Variants in ANKS6 observed in about 807,000 individuals in gnomAD.
ANKS6 encodes the protein ankyrin repeat and SAM domain-containing protein 6.
Under a neutral mutation model 77.9 loss-of-function variants are expected in ANKS6, and 47 were observed. The ratio of observed to expected loss-of-function variants is 0.60; its 90% CI spans 0.48 to 0.77. The LOEUF is 0.77. Ranked by LOEUF, ANKS6 falls within the 30% of genes least tolerant of loss-of-function variation. ANKS6 has a pLI of 0.00. For missense variants in ANKS6, 1,150 were observed against 1,159.1 expected, an observed-to-expected ratio of 0.99 and a Z score of 0.11; for synonymous variants, 488 against 501.7, an observed-to-expected ratio of 0.97 and a Z score of 0.37.
chr9:98,769,940 G>T (rs1186762413), intron 10 of ANKS6, among the ~76,000 whole-genome samples: 3 of 152,190 alleles, frequency 2.0e-5, no homozygotes, highest in Admixed American at 6.5e-5. Flanking sequence ...AAATGGTAAT[G>T]ATGATCTGTA....
At chr9:98,754,583 A>C (rs890610085) in intron 12 of ANKS6, among the ~76,000 whole-genome samples, 2 of 151,794 alleles carry the variant, frequency 1.3e-5, no homozygotes, top group African/African-American at 4.8e-5. Flanking sequence ...AGGAGCTTGC[A>C]GTGAGCCGAG....
chr9:98,733,342 A>G lies in ANKS6; in HGVS notation c.*3177T>C. On this transcript the variant is annotated 3_prime_UTR_variant, in exon 15 of 15. Transcript: ENST00000353234. ...AGCACTCACGACACACCAGCAAGAC[A>G]CTGCCTGGGTGCTGGGAAACAATGC... 3.0e-6 allele frequency: 3 copies of G among 985,482 alleles called. No homozygotes were observed. Among genetic ancestry groups the G allele is most frequent in the Non-Finnish European group, 3.6e-6 (3 of 829,964 alleles). 61.0% of individuals were successfully genotyped at this position (985,482 alleles called of 1,614,324 possible). A position where few individuals can be genotyped will look rare whatever the true frequency, so the allele number is the denominator to read the frequency against.
In ANKS6 at chr9:98,778,237, G is replaced by C; in HGVS notation, c.1556C>G (p.Thr519Ser). Residue 519 changes from threonine (T) to serine (S), a missense_variant, in exon 7 of 15, where the codon ACC (threonine) becomes AGC (serine). Transcript: ENST00000353234. ...CAGACTTTTCTCACCATTGTCTTTG[G>C]TCACAGGGGCCGCATCAGGGAGTGC... ...RSALPDAAPVTKDNGPGSTRG... is the reference protein window; with the variant it reads ...RSALPDAAPVSKDNGPGSTRG... 2 of 1,614,116 alleles carry C rather than the reference G, an allele frequency of 1.2e-6. No homozygotes were observed. Among genetic ancestry groups the C allele is most frequent in the Non-Finnish European group, 8.5e-7 (1 of 1,180,012 alleles).
chr9:98,744,685 C>A (rs1832024199), intron 14 of ANKS6, among the ~76,000 whole-genome samples: 1 of 151,840 alleles, frequency 6.6e-6, no homozygotes, highest in South Asian at 2.1e-4. Context: ...TATCGTGGAA[C>A]ACAGCCCAAG....
intron 9 of ANKS6, 59 bp downstream of exon 9, chr9:98,773,818 A>G (rs1218755904): frequency 7.2e-7 from 1 of 1,388,506 alleles, no homozygotes; most frequent in East Asian, 2.7e-5. Flanking sequence ...TGCCTGGAAC[A>G]CACCATGATC....
intron 10 of ANKS6, 82 bp from the exon 11 acceptor site, chr9:98,768,332 T>C: frequency 9.7e-6 from 15 of 1,540,572 alleles, no homozygotes; most frequent in Middle Eastern, 1.7e-4. Context: ...CGTGTGATGA[T>C]TGGGTTGGAG....
chr9:98,736,457 G>A lies in ANKS6; in HGVS notation c.*62C>T, dbSNP rs1831506405. On this transcript the variant is annotated 3_prime_UTR_variant, in exon 15 of 15. Transcript: ENST00000353234. Reference sequence around the variant, plus strand: ...GTGTGACGGGGGCAGGGCTGGGGCTGTGGCCACGTGAAGGGGTCCCGGGAT... The same window carrying A: ...GTGTGACGGGGGCAGGGCTGGGGCTATGGCCACGTGAAGGGGTCCCGGGAT... 2 of 1,526,988 alleles carry A rather than the reference G, an allele frequency of 1.3e-6. No individual in the cohort carries two copies. 94.6% of individuals were successfully genotyped at this position (1,526,988 alleles called of 1,614,324 possible).
Position 98,782,561 on chromosome 9 carries a change from A to C in ANKS6, c.1125T>G (p.Ile375Met), listed in dbSNP as rs200355078. 1.9e-6 allele frequency: 3 copies of C among 1,613,902 alleles called. No individual in the cohort carries two copies. The highest frequency in any genetic ancestry group is 3.3e-5 in the Admixed American group (2 of 60,014). The change falls in exon 5 of 15, where the codon ATT (isoleucine) becomes ATG (methionine). Residue 375 changes from isoleucine to methionine, a missense_variant. Ile to Met is a conservative substitution (Grantham distance 10). Transcript: ENST00000353234. ...CCCCTTGGTTTAGCAGATATTTCAC[A>C]ATTTCCTTATTCCTGGGAAAAAATG... ...MQATYHGNKE[I>M]VKYLLNQGAD...
chr9:98,767,324 G>A (rs879686416), intron 11 of ANKS6, among the ~76,000 whole-genome samples: 1 of 152,088 alleles, frequency 6.6e-6, no homozygotes, highest in Admixed American at 6.5e-5. Flanking sequence ...CCTCACACCA[G>A]AACAGTTGCA....
intron 6 of ANKS6, among the ~76,000 whole-genome samples, chr9:98,779,315 C>G (rs974032485): frequency 6.6e-6 from 1 of 152,140 alleles, no homozygotes; most frequent in African/African-American, 2.4e-5. Flanking sequence ...CTGGTGTTTC[C>G]AGGAAGCTGG....
chr9:98,747,198 C>A (rs1473601961), intron 13 of ANKS6, among the ~76,000 whole-genome samples: 2 of 152,202 alleles, frequency 1.3e-5, no homozygotes, highest in African/African-American at 4.8e-5. Context: ...TGCATAACTT[C>A]TTGAAAATCC....
chr9:98,772,500 C>T (rs1833696913), intron 9 of ANKS6, among the ~76,000 whole-genome samples: 1 of 152,226 alleles, frequency 6.6e-6, no homozygotes, highest in Admixed American at 6.5e-5. Context: ...TGACTTGTTA[C>T]AGCAGCCATA....
chr9:98,740,292 A>G (rs899283803), intron 14 of ANKS6, among the ~76,000 whole-genome samples: 6 of 152,098 alleles, frequency 3.9e-5, no homozygotes, highest in Non-Finnish European at 7.4e-5. Context: ...AACCAATCCA[A>G]ACAATTTTAA....
In ANKS6 at chr9:98,734,360, T is replaced by C. The variant is rs1831372901; in HGVS notation, c.*2159A>G. 2 of 985,474 alleles carry C rather than the reference T, an allele frequency of 2.0e-6. No homozygotes were observed. Among genetic ancestry groups the C allele is most frequent in the Non-Finnish European group, 2.4e-6 (2 of 829,960 alleles). The allele number at this position is 985,474 out of a possible 1,614,324, so 61.0% of individuals were successfully genotyped here. Reference sequence around the variant, plus strand: ...GACCCCCCGGTGCAGCTGTGTATCATTGTTCAATCAAACTTACCTGAGTGG... The same window carrying C: ...GACCCCCCGGTGCAGCTGTGTATCACTGTTCAATCAAACTTACCTGAGTGG... On this transcript the variant is annotated 3_prime_UTR_variant, in exon 15 of 15. Transcript: ENST00000353234.
intron 5 of ANKS6, 151 bp from the exon 6 acceptor site, chr9:98,780,488 G>C: frequency 4.1e-6 from 4 of 974,280 alleles, no homozygotes; most frequent in South Asian, 1.8e-5. Flanking sequence ...CTCTCCATCT[G>C]ATCTTCAAAA....
chr9:98,739,758 A>ATTTTTTTTTTTTTTTT (rs749499336), intron 14 of ANKS6, among the ~76,000 whole-genome samples: 1,770 of 88,616 alleles, frequency 0.02, 360 homozygotes, highest in African/African-American at 0.031. Context: ...TGGATTAAAC[A>ATTTTTTTTTTTTTTTT]TTTTTTTTTT....
chr9:98,779,668 T>C (rs1294732002), intron 6 of ANKS6, among the ~76,000 whole-genome samples: 1 of 150,884 alleles, frequency 6.6e-6, no homozygotes, highest in Non-Finnish European at 1.5e-5. Flanking sequence ...GCTCAAGCTT[T>C]TTTCTTTTTT....
chr9:98,796,321 G>A lies in ANKS6; in HGVS notation c.171C>T (p.Pro57=), dbSNP rs868011636. 5 of 1,221,768 alleles carry A rather than the reference G, an allele frequency of 4.1e-6. No homozygotes were observed. The highest frequency in any genetic ancestry group is 4.3e-5 in the Admixed American group (1 of 23,052). The allele number at this position is 1,221,768 out of a possible 1,614,324, so 75.7% of individuals were successfully genotyped here. A position where few individuals can be genotyped will look rare whatever the true frequency, so the allele number is the denominator to read the frequency against. Residue 57 remains proline (P), a synonymous_variant, in exon 1 of 15, where the codon CCC becomes CCT. Coordinates refer to ENST00000353234, the MANE Select transcript of ANKS6 (RefSeq NM_173551.5). ...CGACTGCCCCCGCCGCTGCGGCCCC[G>A]GGCCCGGCCACCTCGGCCCCCGCCG... ...AEPAGAEVAG[P]GAAAAGAVGA... is the part of the protein sequence containing the mutation.
chr9:98,786,358 C>G (rs972124519), intron 2 of ANKS6, among the ~76,000 whole-genome samples: 1 of 148,654 alleles, frequency 6.7e-6, no homozygotes, highest in African/African-American at 2.5e-5. Context: ...GTGGTGAGAT[C>G]TAGGCTCACT....
Sources: gnomAD v4.1 joint callset for allele counts (sites outside exome capture counted in the v4.1 genomes callset) on GRCh38, gnomAD v4.1.1 for gene constraint, MANE v1.5 for transcripts, NCBI Gene and HGNC (gene_info 2026-07-23, HGNC 2026-07-21) for gene names.